Variants in DMBT1 observed in about 807,000 individuals in gnomAD.
The protein encoded by DMBT1 is scavenger receptor cysteine-rich domain-containing protein DMBT1.
In DMBT1, 198 loss-of-function variants were observed where a neutral mutation model predicts 252.9. The observed-to-expected ratio is 0.78, with a 90% confidence interval of 0.70 to 0.88. The LOEUF (loss-of-function observed/expected upper bound fraction) is 0.88. DMBT1 is among the 40% of genes least tolerant of loss of function. The pLI is 0.00. For synonymous variants in DMBT1, 990 were observed against 942.7 expected (o/e 1.05, Z -0.92); for missense variants, 2,432 against 2,404.7 (o/e 1.01, Z -0.24).
In DMBT1 at chr10:122,576,648, T is replaced by C; in HGVS notation, c.533T>C (p.Leu178Pro). The change falls in exon 7 of 56, where the codon CTG becomes CCG. Residue 178 changes from leucine (L) to proline (P), a missense_variant. Physicochemically the swap from Leu to Pro is moderately conservative, Grantham distance 98. Transcript: ENST00000338354. ...DVRCSGHESY[L>P]WSCPHNGWLS... is the part of the protein sequence containing the mutation. ...CGCTGCTCAGGACACGAATCCTACC[T>C]GTGGAGCTGCCCCCACAATGGCTGG... is the stretch of plus-strand genomic sequence containing the variant. The C allele has an allele frequency of 2.5e-6, 4 of 1,613,820 alleles. No homozygotes were observed. Among genetic ancestry groups the C allele is most frequent in the Non-Finnish European group, 3.4e-6 (4 of 1,179,738 alleles).
rs1479826477 is a variant in DMBT1 at position 122,621,300 on chromosome 10, C to G, written c.5528C>G (p.Ser1843Cys). Reference sequence around the variant, plus strand: ...GATGTGCGCTGCTCAGGGAATGAGTCCTACCTGTGGAGCTGCCCCCACAAA... The same window carrying G: ...GATGTGCGCTGCTCAGGGAATGAGTGCTACCTGTGGAGCTGCCCCCACAAA... ...LDDVRCSGNE[S>C]YLWSCPHKGW... is the part of the protein sequence containing the mutation. Residue 1843 changes from serine (S) to cysteine (C), a missense_variant, in exon 44 of 56, where the codon TCC (serine) becomes TGC (cysteine). This residue lies in a region of DMBT1 where 1,162 missense variants were observed against 1,169.0 expected (regional missense o/e 0.99). Transcript: ENST00000338354. The G allele has an allele frequency of 9.3e-6, 15 of 1,613,826 alleles. No individual in the cohort carries two copies. The highest frequency in any genetic ancestry group is 1.1e-5 in the Non-Finnish European group (13 of 1,179,754).
chr10:122,641,903 C>T (rs1018355581), intron 55 of DMBT1, among the ~76,000 whole-genome samples: 3 of 152,238 alleles, frequency 2.0e-5, no homozygotes, highest in Admixed American at 6.5e-5. Flanking sequence ...ACACACCCTG[C>T]CCAGGCCCTA....
In DMBT1 at chr10:122,598,917, C is replaced by T. The variant is rs775627370; in HGVS notation, c.3100C>T (p.Leu1034=). 2.7e-5 allele frequency: 44 copies of T among 1,613,710 alleles called. No individual in the cohort carries two copies. Among genetic ancestry groups the T allele is most frequent in the Non-Finnish European group, 3.0e-5 (35 of 1,179,762 alleles). ...TNDANVVCRQ[L]GCGWAMSAPG... is the part of the protein sequence containing the mutation. ...TGATGCCAATGTCGTCTGCAGGCAA[C>T]TGGGCTGTGGCTGGGCCATGTCAGC... The change falls in exon 26 of 56, where the codon CTG becomes TTG. Residue 1034 remains leucine, a synonymous_variant. Transcript: ENST00000338354.
Position 122,597,902 on chromosome 10 carries a change from C to T in DMBT1, c.2918-72C>T. 1.9e-6 allele frequency: 3 copies of T among 1,610,538 alleles called. No individual in the cohort carries two copies. In the South Asian group the frequency reaches 3.3e-5, roughly 18 times the overall value. On this transcript the variant is annotated intron_variant, in intron 24 of 55. Coordinates refer to ENST00000338354, the MANE Select transcript of DMBT1 (RefSeq NM_001377530.1). ...GTAGTTTTCATGATGTTTGCCTTCTCCGGAGACCTTTCCTTTTGGAGATTT... is the reference window on the plus strand; with the variant it reads ...GTAGTTTTCATGATGTTTGCCTTCTTCGGAGACCTTTCCTTTTGGAGATTT...
At chr10:122,620,927 T>C in intron 43 of DMBT1, 130 bp from the exon 44 acceptor site, 1 of 1,505,362 alleles carries the variant, frequency 6.6e-7, no homozygotes, top group Non-Finnish European at 9.0e-7. Context: ...CCTCTGTCTG[T>C]ATTCATATTC....
intron 10 of DMBT1, among the ~76,000 whole-genome samples, chr10:122,580,396 G>A (rs1334335697): frequency 2.4e-4 from 36 of 152,210 alleles, no homozygotes; most frequent in Middle Eastern, 3.4e-3. Context: ...GGGTTGCGTG[G>A]GGTTGGAGTT....
At chr10:122,578,652 C>A in intron 8 of DMBT1, 66 bp from the exon 9 acceptor site, 1 of 1,400,416 alleles carries the variant, frequency 7.1e-7, no homozygotes, top group Non-Finnish European at 9.9e-7. Flanking sequence ...GTCCAGAGAA[C>A]CGCTTGTTTT....
intron 52 of DMBT1, among the ~76,000 whole-genome samples, chr10:122,634,368 C>CTTTCTTTCTTTCTT (rs1555030079): frequency 5.8e-4 from 73 of 126,648 alleles, no homozygotes; most frequent in South Asian, 8.1e-4. Flanking sequence ...TTCTTTCTTT[C>CTTTCTTTCTTTCTT]TTTCTTTCTT....
chr10:122,641,850 G>T (rs1000901476), intron 55 of DMBT1, among the ~76,000 whole-genome samples: 9 of 152,256 alleles, frequency 5.9e-5, no homozygotes, highest in African/African-American at 2.2e-4. Flanking sequence ...CCATCAACAA[G>T]ATCATCCACC....
In DMBT1 at chr10:122,631,750, A is replaced by T. The variant is rs184988711; in HGVS notation, c.6347-105A>T. The T allele has an allele frequency of 2.8e-4, 369 of 1,308,464 alleles. 1 individual carries two copies. The East Asian group carries it at 8.2e-3, about 29-fold the overall frequency. The allele number at this position is 1,308,464 out of a possible 1,614,324, so 81.1% of individuals were successfully genotyped here. A position where few individuals can be genotyped will look rare whatever the true frequency, so the allele number is the denominator to read the frequency against. Reference sequence around the variant, plus strand: ...TGGGTGGACCTGGGGACCCTCGCCGAGGGGGGTCAGGTTATGGGCCATGTA... The same window carrying T: ...TGGGTGGACCTGGGGACCCTCGCCGTGGGGGGTCAGGTTATGGGCCATGTA... On this transcript the variant is annotated intron_variant, in intron 49 of 55. Transcript: ENST00000338354.
rs1279288448 is a variant in DMBT1 at position 122,631,148 on chromosome 10, C to T, written c.6213C>T (p.Gly2071=). 1.9e-6 allele frequency: 3 copies of T among 1,613,884 alleles called. No individual in the cohort carries two copies. The highest frequency in any genetic ancestry group is 2.5e-6 in the Non-Finnish European group (3 of 1,179,916). ...CAGCCCTTGGAAATGCATATTTTGG[C>T]TCTGGCTCTGGCCCCATCACCCTGG... The part of the protein sequence containing the change: ...AVSALGNAYF[G]SGSGPITLDD... Residue 2071 remains glycine (G), a synonymous_variant, in exon 49 of 56, where the codon GGC becomes GGT. Transcript: ENST00000338354.
At chr10:122,627,178 G>A (rs1208808806) in intron 46 of DMBT1, among the ~76,000 whole-genome samples, 2 of 152,142 alleles carry the variant, frequency 1.3e-5, no homozygotes, top group African/African-American at 4.8e-5. Context: ...CTGAAGGCAG[G>A]GGCCATGTCT....
chr10:122,633,009 A>C, intron 51 of DMBT1, 119 bp downstream of exon 51: 1 of 1,541,642 alleles, frequency 6.5e-7, no homozygotes, highest in South Asian at 1.2e-5. Context: ...GTCTCCCTGC[A>C]AGAGTGCCCT....
intron 52 of DMBT1, among the ~76,000 whole-genome samples, chr10:122,634,377 TTTCTTTCTTTCTTTCTTTCTTTC>T (rs2098196258): frequency 9.1e-6 from 1 of 109,900 alleles, no homozygotes; most frequent in Non-Finnish European, 2.0e-5. Flanking sequence ...TCTTTCTTTC[TTTCTTTCTTTCTTTCTTTCTTTC>T]TTTTCTTTCT....
At chr10:122,623,840 C>G (rs1271204723) in intron 44 of DMBT1, among the ~76,000 whole-genome samples, 1 of 152,178 alleles carries the variant, frequency 6.6e-6, no homozygotes, top group Non-Finnish European at 1.5e-5. Context: ...AGTGTTGTGT[C>G]TAGCATGTGA....
chr10:122,635,069 G>T (rs1400503742), intron 52 of DMBT1, among the ~76,000 whole-genome samples: 2 of 152,334 alleles, frequency 1.3e-5, no homozygotes, highest in South Asian at 2.1e-4. Context: ...AGCTGATGCA[G>T]TCCTATGGGA....
Position 122,629,919 on chromosome 10 carries a change from C to T in DMBT1, c.5748C>T (p.Pro1916=), listed in dbSNP as rs1191974583. The change falls in exon 47 of 56, where the codon CCC becomes CCT. Residue 1916 remains proline (P), a synonymous_variant. Transcript: ENST00000338354. ...GCCCATCCTACCCTGCATACTACCC[C>T]AACAATGCTAAGTGTGTTTGGGAAA... ...FSSPSYPAYY[P]NNAKCVWEIE... 6.2e-7 allele frequency: 1 copy of T among 1,614,006 alleles called. No homozygotes were observed. The highest frequency in any genetic ancestry group is 2.2e-5 in the East Asian group (1 of 44,874).
intron 52 of DMBT1, among the ~76,000 whole-genome samples, chr10:122,634,360 C>CTT (rs61112406): frequency 3.8e-5 from 4 of 105,726 alleles, no homozygotes; most frequent in African/African-American, 1.2e-4. Context: ...TTCTTTCTTT[C>CTT]TTTCTTTCTT....
At position 122,585,325 on chromosome 10, in the gene DMBT1, G is replaced by T; in HGVS notation, c.1459+16G>T. The T allele has an allele frequency of 1.3e-6, 2 of 1,584,066 alleles. 1 individual carries two copies. The highest frequency in any genetic ancestry group is 2.3e-5 in the South Asian group (2 of 86,708). ...TCGACAGTAGGTAAATAATCCTCTC[G>T]CCCCTCCCTAGGGCTCACTCTCTAC... is the stretch of plus-strand genomic sequence containing the variant. On this transcript the variant is annotated intron_variant, in intron 15 of 55. Coordinates refer to ENST00000338354, the MANE Select transcript of DMBT1 (RefSeq NM_001377530.1).
Sources: gnomAD v4.1 joint callset for allele counts (sites outside exome capture counted in the v4.1 genomes callset) on GRCh38, gnomAD v4.1.1 for gene constraint, gnomAD v4.1.1 regional missense constraint, MANE v1.5 for transcripts, NCBI Gene and HGNC (gene_info 2026-07-23, HGNC 2026-07-21) for gene names.